The following DIP2C variants were observed in gnomAD, a reference collection of about 807,000 sequenced individuals.
DIP2C encodes the protein DIP2 acetate--CoA ligase C (putative).
Under a neutral mutation model 192.4 loss-of-function variants are expected in DIP2C, and 33 were observed. That is an observed-to-expected ratio of 0.17 (90% confidence interval 0.13 to 0.23). The LOEUF (loss-of-function observed/expected upper bound fraction) is 0.23. Ranked by LOEUF, DIP2C falls within the 10% of genes least tolerant of loss-of-function variation. The pLI, the probability that DIP2C is intolerant of heterozygous loss-of-function variation, is 1.00. For synonymous variants in DIP2C, 979 were observed against 864.1 expected (o/e 1.13, Z -2.33); for missense variants, 1,537 against 2,110.1 (o/e 0.73, Z 5.32).
intron 1 of DIP2C, among the ~76,000 whole-genome samples, chr10:544,279 G>A (rs1848164292): frequency 6.6e-6 from 1 of 152,190 alleles, no homozygotes; most frequent in Non-Finnish European, 1.5e-5. Flanking sequence ...ATGTTCTTTT[G>A]TTCCTTTTTA....
intron 29 of DIP2C, chr10:340,832 G>A (rs1162719274): frequency 4.3e-6 from 2 of 461,980 alleles, no homozygotes; most frequent in Non-Finnish European, 8.7e-6. Flanking sequence ...GAAGCCTGAG[G>A]GAGGTGACAG....
chr10:442,617 A>G (rs1335829953), intron 3 of DIP2C, among the ~76,000 whole-genome samples: 5 of 152,204 alleles, frequency 3.3e-5, no homozygotes, highest in Admixed American at 2.6e-4. Context: ...TACCAGGCTC[A>G]CCAACTGCTC....
intron 1 of DIP2C, among the ~76,000 whole-genome samples, chr10:603,000 T>C (rs187562112): frequency 1.1e-3 from 163 of 152,146 alleles, no homozygotes; most frequent in Middle Eastern, 3.4e-3. Flanking sequence ...GTTAGCTCCA[T>C]AGAAATTAGG....
chr10:573,679 G>A (rs1241429367), intron 1 of DIP2C, among the ~76,000 whole-genome samples: 2 of 151,876 alleles, frequency 1.3e-5, no homozygotes, highest in African/African-American at 4.9e-5. Flanking sequence ...CAAAGTGCTG[G>A]GATTACAGGC....
chr10:542,378 G>C (rs567470204), intron 1 of DIP2C, among the ~76,000 whole-genome samples: 6 of 152,308 alleles, frequency 3.9e-5, no homozygotes, highest in Non-Finnish European at 8.8e-5. Context: ...TAGGAAGAAG[G>C]CCATTCCTCC....
At chr10:509,361 G>C (rs919919493) in intron 1 of DIP2C, among the ~76,000 whole-genome samples, 1 of 152,170 alleles carries the variant, frequency 6.6e-6, no homozygotes, top group African/African-American at 2.4e-5. Context: ...TCCAAGACCA[G>C]CAACAAGTAT....
chr10:563,189 G>A (rs1293689525), intron 1 of DIP2C, among the ~76,000 whole-genome samples: 1 of 152,230 alleles, frequency 6.6e-6, no homozygotes, highest in Non-Finnish European at 1.5e-5. Context: ...AATGCAGACT[G>A]TTCCACAGTG....
chr10:641,153 T>A (rs1277011755), intron 1 of DIP2C, among the ~76,000 whole-genome samples: 12 of 116,644 alleles, frequency 1.0e-4, no homozygotes, highest in South Asian at 2.8e-4. Flanking sequence ...AAAAAAAAAA[T>A]CCTACCCTCA....
Position 499,316 on chromosome 10 carries a change from GGCTGGGCTCCCCCTCTGTGGACC to G in DIP2C, c.86-12809_86-12787del, listed in dbSNP as rs967595666. On this transcript the variant is annotated intron_variant, in intron 1 of 36. Coordinates refer to ENST00000280886, the MANE Select transcript of DIP2C (RefSeq NM_014974.3). ...ACTGTCACCTTCTCCCTGTGTGGAC[GGCTGGGCTCCCCCTCTGTGGACC>G]GCTGGGCTGCATCAGTCTGTTTTCA... Among the ~76,000 whole-genome samples, 113 of 147,886 alleles carry G rather than the reference GGCTGGGCTCCCCCTCTGTGGACC, an allele frequency of 7.6e-4. 1 individual carries two copies. Among genetic ancestry groups the G allele is most frequent in the African/African-American group, 2.7e-3 (108 of 39,894 alleles).
At chr10:488,899 CCA>C (rs1844220561) in intron 1 of DIP2C, among the ~76,000 whole-genome samples, 1 of 152,198 alleles carries the variant, frequency 6.6e-6, no homozygotes, top group South Asian at 2.1e-4. Flanking sequence ...ACCACATGTA[CCA>C]CACACACAGA....
intron 1 of DIP2C, among the ~76,000 whole-genome samples, chr10:553,299 C>T (rs1383466575): frequency 6.6e-6 from 1 of 152,192 alleles, no homozygotes; most frequent in East Asian, 1.9e-4. Context: ...CTGCAGAAAT[C>T]AGCTGGGAAG....
chr10:593,391 G>A lies in DIP2C; in HGVS notation c.85+96103C>T, dbSNP rs376874241. 7.3e-4 allele frequency among the ~76,000 whole-genome samples: 111 copies of A among 151,696 alleles called. 1 individual carries two copies. Among genetic ancestry groups the A allele is most frequent in the African/African-American group, 2.6e-3 (107 of 41,286 alleles). On this transcript the variant is annotated intron_variant, in intron 1 of 36. Coordinates refer to ENST00000280886, the MANE Select transcript of DIP2C (RefSeq NM_014974.3). ...CATCACCTTAGTGATAATTTATCCT[G>A]TAAATTCCAACTGCCTTCACACCTC...
intron 17 of DIP2C, among the ~76,000 whole-genome samples, chr10:381,036 G>C (rs751769753): frequency 7.9e-5 from 12 of 152,192 alleles, no homozygotes; most frequent in East Asian, 1.9e-4. Flanking sequence ...GCAAGTACGA[G>C]TGCTGCTTTC....
At chr10:470,244 T>G (rs745837714) in intron 3 of DIP2C, among the ~76,000 whole-genome samples, 3 of 152,116 alleles carry the variant, frequency 2.0e-5, no homozygotes, top group African/African-American at 7.2e-5. Flanking sequence ...TGAGTCAGGA[T>G]GGGGAACGGG....
At chr10:524,985 A>AAAAAAAAAAAAAAAAAT (rs1293381287) in intron 1 of DIP2C, among the ~76,000 whole-genome samples, 1 of 151,324 alleles carries the variant, frequency 6.6e-6, no homozygotes, top group African/African-American at 2.4e-5. Flanking sequence ...AAAAAAAAAG[A>AAAAAAAAAAAAAAAAAT]ATCACATTTT....
intron 1 of DIP2C, among the ~76,000 whole-genome samples, chr10:657,678 CCTG>C (rs1856456760): frequency 7.7e-6 from 1 of 129,518 alleles, no homozygotes; most frequent in African/African-American, 2.8e-5. Context: ...TGCCGCTGGA[CCTG>C]ATGCTGGACC....
At chr10:393,117 T>C (rs1963631182) in intron 10 of DIP2C, among the ~76,000 whole-genome samples, 1 of 152,178 alleles carries the variant, frequency 6.6e-6, no homozygotes, top group Non-Finnish European at 1.5e-5. Flanking sequence ...TGGCTGGATC[T>C]GAGGCCAACT....
chr10:548,638 G>A (rs1237290189), intron 1 of DIP2C, among the ~76,000 whole-genome samples: 2 of 150,998 alleles, frequency 1.3e-5, no homozygotes, highest in East Asian at 3.9e-4. Context: ...GTGGGGGGAG[G>A]AGATGTGGCC....
At chr10:279,075 T>C (rs1324649939) in intron 36 of DIP2C, among the ~76,000 whole-genome samples, 4 of 152,292 alleles carry the variant, frequency 2.6e-5, no homozygotes, top group South Asian at 2.1e-4. Context: ...CTATGTTAAA[T>C]TGAAAGGGAA....
Sources: allele counts gnomAD v4.1 joint callset (sites outside exome capture counted in the v4.1 genomes callset), GRCh38; gene constraint gnomAD v4.1.1; transcripts MANE v1.5; gene names NCBI Gene and HGNC (gene_info 2026-07-23, HGNC 2026-07-21).